The following DLG2 variants were observed in gnomAD, a reference collection of about 807,000 sequenced individuals.
DLG2 encodes disks large homolog 2.
In DLG2, 45 loss-of-function variants were observed where a neutral mutation model predicts 132.5. The ratio of observed to expected loss-of-function variants is 0.34; its 90% confidence interval spans 0.27 to 0.44. DLG2 has a LOEUF of 0.44. Ranked by LOEUF, DLG2 falls within the 20% of genes least tolerant of loss-of-function variation. DLG2 has a pLI of 1.00. For synonymous variants in DLG2, 424 were observed against 419.6 expected (o/e 1.01, Z -0.13); for missense variants, 1,045 against 1,196.9 (o/e 0.87, Z 1.87).
At chr11:85,272,854 T>C (rs1162827381) in intron 4 of DLG2, among the ~76,000 whole-genome samples, 4 of 152,072 alleles carry the variant, frequency 2.6e-5, no homozygotes, top group Admixed American at 1.3e-4. Context: ...CTTCAAACTA[T>C]GTTACAAGGC....
intron 11 of DLG2, among the ~76,000 whole-genome samples, chr11:84,025,075 GA>G (rs1340351625): frequency 1.3e-5 from 2 of 151,916 alleles, no homozygotes; most frequent in Non-Finnish European, 2.9e-5. Flanking sequence ...TCTGTTGAAA[GA>G]AAAAAAGACT....
intron 6 of DLG2, among the ~76,000 whole-genome samples, chr11:85,034,821 A>G (rs2061321148): frequency 6.6e-6 from 1 of 151,988 alleles, no homozygotes; most frequent in Non-Finnish European, 1.5e-5. Flanking sequence ...AGAAATACCA[A>G]TTTTGGTATC....
In DLG2 at chr11:83,930,364, T is replaced by C. The variant is rs2079918405; in HGVS notation, c.1460A>G (p.Tyr487Cys). ...SFLLSAPYSHYHLGLLPDSEM... is the reference protein window; with the variant it reads ...SFLLSAPYSHCHLGLLPDSEM... Reference sequence around the variant, plus strand: ...AGAGTCAGGTAGCAGGCCTAGGTGGTAGTGGGAATAGGGAGCTGAGAGGAG... The same window carrying C: ...AGAGTCAGGTAGCAGGCCTAGGTGGCAGTGGGAATAGGGAGCTGAGAGGAG... The change falls in exon 15 of 28, where the codon TAC (tyrosine) becomes TGC (cysteine). Residue 487 changes from tyrosine to cysteine, a missense_variant. Coordinates refer to ENST00000376104, the MANE Select transcript of DLG2 (RefSeq NM_001142699.3). 1.2e-6 allele frequency: 2 copies of C among 1,613,832 alleles called. No homozygotes were observed. The highest frequency in any genetic ancestry group is 1.7e-5 in the Admixed American group (1 of 59,980).
chr11:84,987,700 A>G (rs1592261849), intron 6 of DLG2, among the ~76,000 whole-genome samples: 2 of 152,356 alleles, frequency 1.3e-5, no homozygotes, highest in East Asian at 3.9e-4. Context: ...CAGTGCTGGG[A>G]TAATTGGCAA....
chr11:84,295,392 G>C (rs55661228), intron 7 of DLG2, among the ~76,000 whole-genome samples: 1 of 152,114 alleles, frequency 6.6e-6, no homozygotes, highest in African/African-American at 2.4e-5. Flanking sequence ...ATTATCAAAT[G>C]CCAGGGCTAT....
chr11:85,537,526 G>A (rs556402436), intron 3 of DLG2, among the ~76,000 whole-genome samples: 5 of 148,708 alleles, frequency 3.4e-5, no homozygotes, highest in Middle Eastern at 6.9e-3. Flanking sequence ...AACTCCAGAC[G>A]GGAGGGATGA....
At chr11:85,005,193 T>C (rs2154132511) in intron 6 of DLG2, among the ~76,000 whole-genome samples, 1 of 152,346 alleles carries the variant, frequency 6.6e-6, no homozygotes, top group East Asian at 1.9e-4. Context: ...TTGCTTAGGA[T>C]TGTTTTGGCT....
chr11:84,272,338 G>A (rs1266436778), intron 7 of DLG2: 4 of 413,840 alleles, frequency 9.7e-6, no homozygotes, highest in African/African-American at 8.2e-5. Context: ...TTCTATGTCA[G>A]AAATAATGTT....
At chr11:83,991,173 ATCT>A (rs1301215742) in intron 11 of DLG2, among the ~76,000 whole-genome samples, 2 of 152,216 alleles carry the variant, frequency 1.3e-5, no homozygotes, top group Non-Finnish European at 2.9e-5. Flanking sequence ...CCAAAGCATT[ATCT>A]TCTTACTCTT....
intron 19 of DLG2, among the ~76,000 whole-genome samples, chr11:83,551,148 A>C (rs1054907634): frequency 6.6e-6 from 1 of 152,170 alleles, no homozygotes; most frequent in Non-Finnish European, 1.5e-5. Context: ...ATGAGGGGCA[A>C]GAATCCCTGT....
chr11:83,852,670 G>A lies in DLG2; in HGVS notation c.1566-18900C>T, dbSNP rs567888491. Among the ~76,000 whole-genome samples, 43 of 152,210 alleles carry A rather than the reference G, an allele frequency of 2.8e-4. No individual in the cohort carries two copies. In the South Asian group the frequency reaches 8.5e-3, roughly 30 times the overall value. On this transcript the variant is annotated intron_variant, in intron 16 of 27. Transcript: ENST00000376104. Reference sequence around the variant, plus strand: ...AAACATTCAACTGTTCTCTTCTCTGGGGGTATCACAGGTGTTGTCCTGTAT... The same window carrying A: ...AAACATTCAACTGTTCTCTTCTCTGAGGGTATCACAGGTGTTGTCCTGTAT...
chr11:85,224,180 A>C (rs1329917596), intron 4 of DLG2, among the ~76,000 whole-genome samples: 1 of 151,950 alleles, frequency 6.6e-6, no homozygotes, highest in African/African-American at 2.4e-5. Flanking sequence ...GCTGCTAAAA[A>C]CCTCTCCCAT....
At chr11:84,476,367 C>A (rs2099121744) in intron 7 of DLG2, among the ~76,000 whole-genome samples, 1 of 152,156 alleles carries the variant, frequency 6.6e-6, no homozygotes, top group South Asian at 2.1e-4. Context: ...TTTTTCAAAA[C>A]AAATATTTCA....
intron 3 of DLG2, among the ~76,000 whole-genome samples, chr11:85,481,994 C>T (rs1346564136): frequency 6.6e-6 from 1 of 152,122 alleles, no homozygotes; most frequent in Non-Finnish European, 1.5e-5. Flanking sequence ...TGCCACAGCA[C>T]AAGGCTAAGC....
intron 6 of DLG2, among the ~76,000 whole-genome samples, chr11:84,869,481 T>C (rs2085134592): frequency 6.6e-6 from 1 of 152,090 alleles, no homozygotes; most frequent in Admixed American, 6.5e-5. Context: ...TTGAACCTTA[T>C]ATATAATCAA....
At chr11:85,246,984 G>A (rs2076166719) in intron 4 of DLG2, among the ~76,000 whole-genome samples, 7 of 152,050 alleles carry the variant, frequency 4.6e-5, no homozygotes. Flanking sequence ...AAGCTGGAAT[G>A]GCATTTTCAG....
At position 84,418,193 on chromosome 11, in the gene DLG2, C is replaced by T. The variant is rs561911207; in HGVS notation, c.519+116377G>A. Among the ~76,000 whole-genome samples, 256 of 152,250 alleles carry T rather than the reference C, an allele frequency of 1.7e-3. 1 individual carries two copies. Among genetic ancestry groups the T allele is most frequent in the African/African-American group, 6.0e-3 (251 of 41,554 alleles). ...CAATTCCTTATTTGTATGTTGGGCT[C>T]TTATTCATCTCTGTGTTGCTAATAC... On this transcript the variant is annotated intron_variant, in intron 7 of 27. Transcript: ENST00000376104.
At chr11:84,815,042 C>G (rs1348116631) in intron 6 of DLG2, among the ~76,000 whole-genome samples, 1 of 152,002 alleles carries the variant, frequency 6.6e-6, no homozygotes, top group Non-Finnish European at 1.5e-5. Context: ...ATTAGGGAAC[C>G]AGCACCAGAG....
chr11:84,465,255 G>A (rs1400083472), intron 7 of DLG2, among the ~76,000 whole-genome samples: 1 of 151,166 alleles, frequency 6.6e-6, no homozygotes, highest in East Asian at 2.0e-4. Flanking sequence ...AACCCACCAA[G>A]ATCACAGAAG....
Sources: gnomAD v4.1 joint callset for allele counts (sites outside exome capture counted in the v4.1 genomes callset) on GRCh38, gnomAD v4.1.1 for gene constraint, MANE v1.5 for transcripts, NCBI Gene and HGNC (gene_info 2026-07-23, HGNC 2026-07-21) for gene names.